Variants in RNF19B observed in about 807,000 individuals in gnomAD.
RNF19B encodes ring finger protein 19B, also known as E3 ubiquitin-protein ligase RNF19B.
Under a neutral mutation model 65.5 loss-of-function variants are expected in RNF19B, and 23 were observed. That is an observed-to-expected ratio of 0.35 (90% CI 0.25 to 0.50). The LOEUF (loss-of-function observed/expected upper bound fraction) is 0.50, where lower values mean the gene tolerates loss of function less well. RNF19B is among the 20% of genes least tolerant of loss of function. The pLI, the probability that RNF19B is intolerant of heterozygous loss-of-function variation, is 0.98. For missense variants in RNF19B, 794 were observed against 980.0 expected (o/e 0.81, Z 2.53); for synonymous variants, 372 against 379.6 (o/e 0.98, Z 0.23).
intron 4 of RNF19B, 53 bp from the exon 5 acceptor site, chr1:32,945,681 G>T (rs1415294479): frequency 2.8e-6 from 3 of 1,078,066 alleles, no homozygotes; most frequent in East Asian, 4.8e-5. Flanking sequence ...TCAATCTTTT[G>T]CCAGAGAAAA....
intron 3 of RNF19B, among the ~76,000 whole-genome samples, chr1:32,947,110 C>G (rs1642383796): frequency 6.6e-6 from 1 of 152,144 alleles, no homozygotes; most frequent in African/African-American, 2.4e-5. Context: ...ACCATTTTTG[C>G]CCATTCTCTT....
downstream of RNF19B, among the ~76,000 whole-genome samples, chr1:32,933,340 T>C (rs149671889): frequency 3.2e-3 from 491 of 152,184 alleles, 10 homozygotes; most frequent in East Asian, 0.077. Context: ...CTGCAAGCTT[T>C]GCCTCCCGGG....
downstream of RNF19B, among the ~76,000 whole-genome samples, chr1:32,931,967 C>G (rs1285509603): frequency 6.6e-6 from 1 of 152,194 alleles, no homozygotes; most frequent in Non-Finnish European, 1.5e-5. Context: ...CATAACTAAT[C>G]TAAGAAGCCC....
intron 1 of RNF19B, among the ~76,000 whole-genome samples, chr1:32,959,560 T>C (rs952777209): frequency 3.3e-5 from 5 of 152,310 alleles, no homozygotes; most frequent in African/African-American, 1.2e-4. Flanking sequence ...TGGTTTCTCC[T>C]TTATAAAATG....
intron 6 of RNF19B, among the ~76,000 whole-genome samples, chr1:32,943,374 G>A (rs943478312): frequency 6.6e-6 from 1 of 152,036 alleles, no homozygotes; most frequent in Non-Finnish European, 1.5e-5. Flanking sequence ...CACTTTGGGA[G>A]GCCAAGGTGG....
At chr1:32,959,881 C>CAAA (rs35488614) in intron 1 of RNF19B, among the ~76,000 whole-genome samples, 2 of 93,180 alleles carry the variant, frequency 2.1e-5, no homozygotes, top group African/African-American at 3.9e-5. Context: ...ACTAAAAATA[C>CAAA]AAAAAAAAAA....
intron 1 of RNF19B, among the ~76,000 whole-genome samples, chr1:32,961,725 T>C (rs1642774787): frequency 6.6e-6 from 1 of 152,136 alleles, no homozygotes; most frequent in South Asian, 2.1e-4. Flanking sequence ...ACTAACATAA[T>C]ACTTGGCTAA....
chr1:32,960,133 T>A (rs187933560), intron 1 of RNF19B, among the ~76,000 whole-genome samples: 2 of 152,142 alleles, frequency 1.3e-5, no homozygotes, highest in Admixed American at 1.3e-4. Context: ...CATATTTGAG[T>A]GTAAGAGAAG....
At chr1:32,956,608 C>A (rs1402900624) in intron 1 of RNF19B, among the ~76,000 whole-genome samples, 1 of 152,246 alleles carries the variant, frequency 6.6e-6, no homozygotes, top group Non-Finnish European at 1.5e-5. Context: ...AAGAAAAAGA[C>A]TACAGACCGC....
chr1:32,945,414 C>T (rs74573640), intron 5 of RNF19B, 100 bp downstream of exon 5: 12,341 of 702,258 alleles, frequency 0.018, 157 homozygotes, highest in Middle Eastern at 0.026. Context: ...AAGGTGGGTT[C>T]GCATAAAATG....
intron 5 of RNF19B, 146 bp from the exon 6 acceptor site, chr1:32,944,305 G>A (rs1009629174): frequency 1.3e-6 from 1 of 787,818 alleles, no homozygotes; most frequent in Non-Finnish European, 2.0e-6. Context: ...TGGTGTAACA[G>A]AATGATGACC....
chr1:32,936,127 T>G (rs1313067133), downstream of RNF19B, among the ~76,000 whole-genome samples: 1 of 152,218 alleles, frequency 6.6e-6, no homozygotes, highest in Non-Finnish European at 1.5e-5. Flanking sequence ...GTGACTATAA[T>G]GCAGAAAAGG....
Position 32,948,440 on chromosome 1 carries a change from T to C in RNF19B, c.842-77A>G, listed in dbSNP as rs1271576008. 16 of 1,475,708 alleles carry C rather than the reference T, an allele frequency of 1.1e-5. No homozygotes were observed. In the South Asian group the frequency reaches 1.5e-4, roughly 14 times the overall value. The allele number at this position is 1,475,708 out of a possible 1,614,324, so 91.4% of individuals were successfully genotyped here. On this transcript the variant is annotated intron_variant, in intron 2 of 8. Coordinates refer to ENST00000235150, the MANE Select transcript of RNF19B (RefSeq NM_001300826.2). ...AGTTTGATTTAATTGTTCCTAGGAG[T>C]ATATATAAGAAATGAGGCAGCAGTC...
chr1:32,962,854 AC>A (rs1232397692), intron 1 of RNF19B, among the ~76,000 whole-genome samples: 1 of 152,044 alleles, frequency 6.6e-6, no homozygotes, highest in Admixed American at 6.6e-5. Context: ...CCTGCGTGCA[AC>A]CCCTTCATGG....
intron 1 of RNF19B, among the ~76,000 whole-genome samples, chr1:32,960,589 T>C (rs989080677): frequency 1.3e-5 from 2 of 152,188 alleles, no homozygotes; most frequent in African/African-American, 2.4e-5. Flanking sequence ...TAAGCCATGA[T>C]CATGCCACTG....
downstream of RNF19B, among the ~76,000 whole-genome samples, chr1:32,935,405 C>T (rs896509930): frequency 3.3e-5 from 5 of 152,212 alleles, no homozygotes; most frequent in Non-Finnish European, 7.3e-5. Flanking sequence ...TCCCAAAGTG[C>T]TGGGATTACA....
chr1:32,958,746 T>C (rs958553558), intron 1 of RNF19B, among the ~76,000 whole-genome samples: 4 of 150,748 alleles, frequency 2.7e-5, no homozygotes, highest in Non-Finnish European at 5.9e-5. Context: ...GGTTGGAAAC[T>C]GTAAAGGAGC....
At chr1:32,950,335 T>C (rs77388568) in intron 1 of RNF19B, among the ~76,000 whole-genome samples, 2,363 of 152,108 alleles carry the variant, frequency 0.016, 62 homozygotes, top group African/African-American at 0.053. Flanking sequence ...GGAGGTGGAG[T>C]ATCTTATTTA....
intron 1 of RNF19B, among the ~76,000 whole-genome samples, chr1:32,963,613 G>A (rs555520858): frequency 3.9e-5 from 6 of 152,024 alleles, no homozygotes; most frequent in African/African-American, 1.4e-4. Context: ...AGCTACTCGG[G>A]AGGCTGAGGC....
Sources: gnomAD v4.1 joint callset for allele counts (sites outside exome capture counted in the v4.1 genomes callset) on GRCh38, gnomAD v4.1.1 for gene constraint, MANE v1.5 for transcripts, NCBI Gene and HGNC (gene_info 2026-07-23, HGNC 2026-07-21) for gene names.